Variants in AP1S3 observed in about 807,000 individuals in gnomAD.
AP1S3 encodes the protein AP-1 complex subunit sigma-3.
AP1S3 carries 10 observed loss-of-function variants against 20.9 expected under a neutral mutation model. The ratio of observed to expected loss-of-function variants is 0.48; its 90% confidence interval spans 0.29 to 0.81. AP1S3 has a LOEUF of 0.81. AP1S3 is among the 30% of genes least tolerant of loss of function. The pLI, the probability that AP1S3 is intolerant of heterozygous loss-of-function variation, is 0.08. For missense variants in AP1S3, 154 were observed against 183.8 expected (o/e 0.84, Z 0.94); for synonymous variants, 41 against 61.5 (o/e 0.67, Z 1.56).
At chr2:223,778,057 G>A (rs1020522808) in intron 1 of AP1S3, among the ~76,000 whole-genome samples, 188 bp from the exon 2 acceptor site, 1 of 151,940 alleles carries the variant, frequency 6.6e-6, no homozygotes, top group Admixed American at 6.6e-5. Flanking sequence ...AAAGAAATGT[G>A]TATACCACAA....
intron 3 of AP1S3, among the ~76,000 whole-genome samples, chr2:223,771,247 G>A (rs1243349163): frequency 6.6e-6 from 1 of 152,038 alleles, no homozygotes; most frequent in Admixed American, 6.5e-5. Context: ...TGAGGCAGGA[G>A]AATCGTTTGA....
intron 1 of AP1S3, among the ~76,000 whole-genome samples, chr2:223,834,057 C>G (rs1228671959): frequency 6.6e-6 from 1 of 152,044 alleles, no homozygotes; most frequent in African/African-American, 2.4e-5. Flanking sequence ...TATAGGCATG[C>G]GCCACCACAC....
intron 1 of AP1S3, among the ~76,000 whole-genome samples, chr2:223,781,129 T>C (rs1690936151): frequency 6.6e-6 from 1 of 152,186 alleles, no homozygotes. Context: ...TGTTCTTTTT[T>C]ATGCTGTGTA....
At chr2:223,830,870 T>C (rs974341063) in intron 1 of AP1S3, among the ~76,000 whole-genome samples, 1 of 152,212 alleles carries the variant, frequency 6.6e-6, no homozygotes, top group Non-Finnish European at 1.5e-5. Flanking sequence ...GAGATGCCTG[T>C]AGGAAAGTTT....
intron 1 of AP1S3, among the ~76,000 whole-genome samples, chr2:223,812,457 G>C (rs1380361546): frequency 6.6e-6 from 1 of 152,158 alleles, no homozygotes. Flanking sequence ...CCTGACTTCA[G>C]GTGATCAGCC....
At position 223,777,875 on chromosome 2, in the gene AP1S3, AC is replaced by A. The variant is rs572091149; in HGVS notation, c.4-7del. The A allele has an allele frequency of 6.8e-4, 1,087 of 1,606,078 alleles. No homozygotes were observed. The highest frequency in any genetic ancestry group is 1.5e-3 in the Admixed American group (85 of 58,496). ...AAGAGCAATATGAAATGTATCTAGAACAAAGGACACAAAAAACAGAACCTGA... is the reference window on the plus strand; with the variant it reads ...AAGAGCAATATGAAATGTATCTAGAAAAAGGACACAAAAAACAGAACCTGA... On this transcript the variant is annotated splice_polypyrimidine_tract_variant and splice_region_variant and intron_variant, in intron 1 of 4. Coordinates refer to ENST00000396654, the MANE Select transcript of AP1S3 (RefSeq NM_001039569.2).
At chr2:223,769,829 C>T (rs1049112220) in intron 3 of AP1S3, among the ~76,000 whole-genome samples, 49 of 149,316 alleles carry the variant, frequency 3.3e-4, no homozygotes, top group African/African-American at 1.1e-3. Flanking sequence ...CTGAAGGCTC[C>T]GCCCCCCGGG....
chr2:223,805,949 G>A (rs867414706), intron 1 of AP1S3, among the ~76,000 whole-genome samples: 5 of 152,166 alleles, frequency 3.3e-5, no homozygotes, highest in Admixed American at 6.5e-5. Context: ...AAGCAAAAAT[G>A]TCACAGGAGT....
intron 1 of AP1S3, among the ~76,000 whole-genome samples, chr2:223,785,629 A>G (rs1691054110): frequency 6.6e-6 from 1 of 152,232 alleles, no homozygotes; most frequent in African/African-American, 2.4e-5. Context: ...ATACTAAGTA[A>G]ATGCCAAAGT....
At chr2:223,789,699 G>T (rs141199194) in intron 1 of AP1S3, among the ~76,000 whole-genome samples, 2 of 149,736 alleles carry the variant, frequency 1.3e-5, no homozygotes, top group African/African-American at 4.9e-5. Flanking sequence ...AAAGCCAGGC[G>T]TGGTGGCACA....
chr2:223,836,490 T>A (rs1692397012), intron 1 of AP1S3, among the ~76,000 whole-genome samples: 1 of 152,038 alleles, frequency 6.6e-6, no homozygotes, highest in Non-Finnish European at 1.5e-5. Flanking sequence ...CTGTAATCCC[T>A]ACACTTTGGG....
At chr2:223,774,630 T>C (rs926921861) in intron 3 of AP1S3, among the ~76,000 whole-genome samples, 3 of 151,800 alleles carry the variant, frequency 2.0e-5, no homozygotes, top group Admixed American at 1.3e-4. Flanking sequence ...GGTAAGATGT[T>C]TAAGAGAAAA....
intron 1 of AP1S3, among the ~76,000 whole-genome samples, chr2:223,835,541 G>A (rs1197516776): frequency 6.6e-6 from 1 of 152,170 alleles, no homozygotes; most frequent in Non-Finnish European, 1.5e-5. Flanking sequence ...TGTAATCCCA[G>A]CTACTTAGGA....
intron 1 of AP1S3, among the ~76,000 whole-genome samples, chr2:223,797,365 T>G (rs928495572): frequency 1.3e-5 from 2 of 152,176 alleles, no homozygotes; most frequent in African/African-American, 4.8e-5. Flanking sequence ...AAGAAAAACA[T>G]GTCAATCACT....
chr2:223,777,579 G>T, intron 2 of AP1S3, 112 bp downstream of exon 2: 2 of 953,900 alleles, frequency 2.1e-6, no homozygotes, highest in Non-Finnish European at 3.0e-6. Context: ...CTGGGCCCCA[G>T]CCTTCAAAGA....
chr2:223,826,472 A>G (rs1692131051), intron 1 of AP1S3, among the ~76,000 whole-genome samples: 1 of 152,112 alleles, frequency 6.6e-6, no homozygotes, highest in South Asian at 2.1e-4. Flanking sequence ...GTGCGCCCGT[A>G]ATCCCAGCTA....
At chr2:223,832,839 A>T in intron 1 of AP1S3, among the ~76,000 whole-genome samples, 1 of 138,376 alleles carries the variant, frequency 7.2e-6, no homozygotes, top group African/African-American at 2.7e-5. Flanking sequence ...AGAAGGGTGT[A>T]CTCCTACTAT....
At chr2:223,794,600 G>A (rs1408740584) in intron 1 of AP1S3, among the ~76,000 whole-genome samples, 1 of 152,056 alleles carries the variant, frequency 6.6e-6, no homozygotes, top group Admixed American at 6.6e-5. Flanking sequence ...TCTGCAAACC[G>A]AGAGACCCAG....
intron 1 of AP1S3, among the ~76,000 whole-genome samples, chr2:223,832,978 CT>C (rs1412122687): frequency 1.3e-5 from 2 of 151,808 alleles, no homozygotes; most frequent in Non-Finnish European, 2.9e-5. Context: ...ATCTATCCTA[CT>C]TTACATAAAT....
Sources: allele counts gnomAD v4.1 joint callset (sites outside exome capture counted in the v4.1 genomes callset), GRCh38; gene constraint gnomAD v4.1.1; transcripts MANE v1.5; gene names NCBI Gene and HGNC (gene_info 2026-07-23, HGNC 2026-07-21).